STK33: variants seen among roughly 807,000 people sequenced by gnomAD.
The protein encoded by STK33 is serine/threonine kinase 33.
A neutral mutation model predicts 58.0 loss-of-function variants in STK33; 52 were observed. That is an observed-to-expected ratio of 0.90 (90% confidence interval 0.72 to 1.13). The LOEUF is 1.13. Ranked by LOEUF, STK33 falls within the 50% of genes most tolerant of loss-of-function variation. STK33 has a pLI of 0.00. For missense variants in STK33, 630 were observed against 604.2 expected (o/e 1.04, Z -0.45); for synonymous variants, 215 against 200.1 (o/e 1.07, Z -0.63).
intron 1 of STK33, among the ~76,000 whole-genome samples, chr11:8,539,952 T>C (rs1200002326): frequency 2.6e-5 from 4 of 152,122 alleles, no homozygotes; most frequent in African/African-American, 9.7e-5. Flanking sequence ...CTTAGCGCAC[T>C]GTTGGTGGGA....
chr11:8,495,335 CAT>C (rs1415864696), intron 1 of STK33, among the ~76,000 whole-genome samples: 1 of 152,096 alleles, frequency 6.6e-6, no homozygotes, highest in Non-Finnish European at 1.5e-5. Flanking sequence ...AGCCAACAAA[CAT>C]ATGAAAAAAA....
At chr11:8,551,461 G>C (rs1402892430) in intron 1 of STK33, among the ~76,000 whole-genome samples, 2 of 152,046 alleles carry the variant, frequency 1.3e-5, no homozygotes, top group South Asian at 2.1e-4. Context: ...ACATTTCATA[G>C]ATCTTCAATG....
At chr11:8,353,930 T>C in the STK33 span, among the ~76,000 whole-genome samples, 1 of 152,294 alleles carries the variant, frequency 6.6e-6, no homozygotes, top group Non-Finnish European at 1.5e-5. Context: ...GAATTTCTGT[T>C]GGCAGCCATG....
intron 1 of STK33, among the ~76,000 whole-genome samples, chr11:8,547,593 T>C (rs911572244): frequency 1.3e-5 from 2 of 152,226 alleles, no homozygotes; most frequent in Non-Finnish European, 2.9e-5. Context: ...TGCTATTGAA[T>C]TGTTTGAGTT....
intron 1 of STK33, among the ~76,000 whole-genome samples, chr11:8,534,615 T>C (rs1405210960): frequency 6.6e-6 from 1 of 150,418 alleles, no homozygotes; most frequent in Non-Finnish European, 1.5e-5. Flanking sequence ...GGTAAATTTT[T>C]TCATACTGAG....
At chr11:8,467,264 A>G (rs1194005395) in intron 6 of STK33, 2 of 152,126 alleles carry the variant, frequency 1.3e-5, no homozygotes, top group African/African-American at 4.8e-5. Flanking sequence ...AATTTTCCAA[A>G]TTTTTATGCT....
At chr11:8,444,169 T>A (rs1945112134) in intron 11 of STK33, among the ~76,000 whole-genome samples, 1 of 152,178 alleles carries the variant, frequency 6.6e-6, no homozygotes, top group African/African-American at 2.4e-5. Context: ...TTATTAACTG[T>A]CCTAACCACT....
chr11:8,406,171 CAACT>C (rs1939165838), intron 15 of STK33, among the ~76,000 whole-genome samples: 2 of 129,654 alleles, frequency 1.5e-5, no homozygotes, highest in Non-Finnish European at 3.4e-5. Context: ...AAAAAAAAAT[CAACT>C]GACTGTATAA....
At chr11:8,373,767 C>T in the STK33 span, among the ~76,000 whole-genome samples, 4 of 152,146 alleles carry the variant, frequency 2.6e-5, no homozygotes, top group Non-Finnish European at 5.9e-5. Context: ...TGGAAGAACA[C>T]GGCTGAGTGT....
chr11:8,501,000 G>T (rs1432309891), intron 1 of STK33, among the ~76,000 whole-genome samples: 1 of 152,058 alleles, frequency 6.6e-6, no homozygotes, highest in Non-Finnish European at 1.5e-5. Flanking sequence ...ACACACAAAA[G>T]AATAAATGTA....
At chr11:8,359,993 G>C in the STK33 span, among the ~76,000 whole-genome samples, 1 of 152,360 alleles carries the variant, frequency 6.6e-6, no homozygotes, top group African/African-American at 2.4e-5. Flanking sequence ...TGATGTTCCA[G>C]TGCTGTGGTC....
intron 11 of STK33, among the ~76,000 whole-genome samples, chr11:8,450,662 G>A (rs1248073136): frequency 6.6e-6 from 1 of 151,754 alleles, no homozygotes. Flanking sequence ...TTTTAAATGA[G>A]GCCAGCATAA....
intron 12 of STK33, among the ~76,000 whole-genome samples, chr11:8,437,867 T>C (rs1944276627): frequency 6.6e-6 from 1 of 152,218 alleles, no homozygotes; most frequent in Non-Finnish European, 1.5e-5. Context: ...CTGCAAACTC[T>C]TATTTTAATA....
At chr11:8,509,487 C>A (rs1340367073) in intron 1 of STK33, among the ~76,000 whole-genome samples, 2 of 152,136 alleles carry the variant, frequency 1.3e-5, no homozygotes. Context: ...GTTTTAATGA[C>A]CCCATCATAT....
the STK33 span, among the ~76,000 whole-genome samples, chr11:8,355,178 G>A: frequency 6.6e-6 from 1 of 152,176 alleles, no homozygotes; most frequent in African/African-American, 2.4e-5. Context: ...TCACCAGGCA[G>A]TCAGTACTCT....
intron 1 of STK33, among the ~76,000 whole-genome samples, chr11:8,482,953 G>T (rs57313949): frequency 0.23 from 34,546 of 151,626 alleles, 4,199 homozygotes; most frequent in Middle Eastern, 0.31. Context: ...GGATGGTTTC[G>T]ATCTCCTGAC....
At chr11:8,477,822 T>A (rs1949426344) in intron 2 of STK33, among the ~76,000 whole-genome samples, 1 of 152,188 alleles carries the variant, frequency 6.6e-6, no homozygotes, top group African/African-American at 2.4e-5. Context: ...ATTTATCAGT[T>A]GCCTTAGAAG....
At chr11:8,450,717 T>C (rs1438848799) in intron 11 of STK33, among the ~76,000 whole-genome samples, 4 of 152,118 alleles carry the variant, frequency 2.6e-5, no homozygotes, top group African/African-American at 9.7e-5. Context: ...GAAGAAAAGC[T>C]ACAGTCAAAG....
chr11:8,416,404 T>C (rs1384892532), intron 14 of STK33, among the ~76,000 whole-genome samples: 2 of 149,946 alleles, frequency 1.3e-5, no homozygotes, highest in Non-Finnish European at 2.9e-5. Context: ...TACAGTGTAC[T>C]AAATGAACAT....
Sources: gnomAD v4.1 joint callset for allele counts (sites outside exome capture counted in the v4.1 genomes callset) on GRCh38, gnomAD v4.1.1 for gene constraint, MANE v1.5 for transcripts, NCBI Gene and HGNC (gene_info 2026-07-23, HGNC 2026-07-21) for gene names.